Variants in ANO4 observed in about 807,000 individuals in gnomAD.
ANO4 encodes the protein anoctamin 4, also known as anoctamin-4.
ANO4 carries 69 observed loss-of-function variants against 141.9 expected under a neutral mutation model. The observed-to-expected ratio is 0.49, with a 90% CI of 0.40 to 0.59. The LOEUF is 0.59. Ranked by LOEUF, ANO4 falls within the 20% of genes least tolerant of loss-of-function variation. ANO4 has a pLI of 0.00. For synonymous variants in ANO4, 350 were observed against 394.3 expected, an observed-to-expected ratio of 0.89 and a Z score of 1.33; for missense variants, 894 against 1,162.2, an observed-to-expected ratio of 0.77 and a Z score of 3.36.
intron 1 of ANO4, among the ~76,000 whole-genome samples, chr12:100,805,298 C>G (rs1418530272): frequency 1.3e-5 from 2 of 151,998 alleles, no homozygotes; most frequent in East Asian, 3.9e-4. Flanking sequence ...TATTCTGTTC[C>G]ATTGGTCTGT....
intron 22 of ANO4, among the ~76,000 whole-genome samples, chr12:101,106,702 T>C (rs1255776195): frequency 6.6e-6 from 1 of 151,286 alleles, no homozygotes. Context: ...TTTATCTATA[T>C]AGTATTTATT....
chr12:100,724,099 C>T (rs2030994516), intron 1 of ANO4, among the ~76,000 whole-genome samples: 1 of 152,118 alleles, frequency 6.6e-6, no homozygotes, highest in Non-Finnish European at 1.5e-5. Flanking sequence ...TCTTTACCTC[C>T]TGAAGATAAT....
chr12:101,071,763 A>G (rs564689806), intron 14 of ANO4, among the ~76,000 whole-genome samples: 1 of 152,300 alleles, frequency 6.6e-6, no homozygotes, highest in East Asian at 1.9e-4. Flanking sequence ...CCATGATGTG[A>G]TTATAATGCA....
At chr12:100,757,550 T>C (rs1266003623) in intron 3 of ANO4, among the ~76,000 whole-genome samples, 1 of 152,204 alleles carries the variant, frequency 6.6e-6, no homozygotes, top group Non-Finnish European at 1.5e-5. Context: ...CCGTATACCA[T>C]GAACTTGACT....
At chr12:101,067,987 CA>C (rs1175107978) in intron 14 of ANO4, among the ~76,000 whole-genome samples, 47 of 152,274 alleles carry the variant, frequency 3.1e-4, no homozygotes, top group Middle Eastern at 3.4e-3. Flanking sequence ...TGGTGTTTAG[CA>C]TTTGTTGTAC....
chr12:100,962,173 A>C (rs12423934), intron 5 of ANO4, among the ~76,000 whole-genome samples: 25,327 of 152,132 alleles, frequency 0.17, 2,429 homozygotes, highest in East Asian at 0.42. Flanking sequence ...TAAGAGGATG[A>C]ATTTTTTTCT....
intron 1 of ANO4, among the ~76,000 whole-genome samples, chr12:100,836,516 G>A (rs2135792154): frequency 8.3e-6 from 1 of 120,980 alleles, no homozygotes; most frequent in South Asian, 2.7e-4. Context: ...AACAGGCCCT[G>A]GTATGTGATG....
chr12:100,843,608 G>A (rs766599069), intron 1 of ANO4, among the ~76,000 whole-genome samples: 2 of 152,148 alleles, frequency 1.3e-5, no homozygotes, highest in African/African-American at 4.8e-5. Context: ...TTAGAAGACA[G>A]GTAGACGACG....
chr12:101,110,708 A>G, intron 23 of ANO4, 152 bp downstream of exon 23: 1 of 680,380 alleles, frequency 1.5e-6, no homozygotes, highest in Non-Finnish European at 2.1e-6. Context: ...GTTTTAAATA[A>G]TATTAGACAA....
intron 1 of ANO4, among the ~76,000 whole-genome samples, chr12:100,730,655 A>C (rs903000581): frequency 1.3e-5 from 2 of 152,130 alleles, no homozygotes; most frequent in African/African-American, 2.4e-5. Flanking sequence ...TCCCTGGACA[A>C]GCTCATGGTT....
intron 9 of ANO4, among the ~76,000 whole-genome samples, chr12:101,036,001 A>G (rs2047177625): frequency 6.8e-6 from 1 of 147,292 alleles, no homozygotes. Context: ...AACCTAAAAT[A>G]AAAGTTAGAA....
chr12:100,731,647 T>G (rs2031385166), intron 1 of ANO4, among the ~76,000 whole-genome samples: 1 of 152,200 alleles, frequency 6.6e-6, no homozygotes, highest in Non-Finnish European at 1.5e-5. Flanking sequence ...GTGTTGCTGT[T>G]TATTCCTTCC....
At chr12:100,880,357 T>C (rs143233987) in intron 1 of ANO4, among the ~76,000 whole-genome samples, 59 of 152,270 alleles carry the variant, frequency 3.9e-4, no homozygotes, top group African/African-American at 1.4e-3. Context: ...TTCTAAGCAT[T>C]TCATCTTCTT....
chr12:101,039,964 A>G lies in ANO4; in HGVS notation c.907A>G (p.Arg303Gly). Residue 303 changes from arginine to glycine, a missense_variant, in exon 11 of 28, where the codon AGA becomes GGA. This residue lies in a region of ANO4 where 637 missense variants were observed against 909.2 expected (regional missense o/e 0.70). Transcript: ENST00000392977. ...GGTGTTTTTATCCCAGGGAAGTTAT[A>G]GAAGTAAAAACTCCATTCGAACCCA... is the stretch of plus-strand genomic sequence containing the variant. ...AAFPLHEGSY[R>G]SKNSIRTHGA... is the part of the protein sequence containing the mutation. 6.2e-7 allele frequency: 1 copy of G among 1,612,128 alleles called. No homozygotes were observed. The highest frequency in any genetic ancestry group is 8.5e-7 in the Non-Finnish European group (1 of 1,178,672).
At chr12:100,897,555 A>G (rs1046423911) in intron 1 of ANO4, among the ~76,000 whole-genome samples, 5 of 152,220 alleles carry the variant, frequency 3.3e-5, no homozygotes, top group Non-Finnish European at 7.3e-5. Flanking sequence ...TTGTTCAGAG[A>G]CGAAGAAGGA....
intron 1 of ANO4, among the ~76,000 whole-genome samples, chr12:100,853,655 G>A (rs1481940805): frequency 2.6e-5 from 4 of 151,998 alleles, no homozygotes; most frequent in Non-Finnish European, 4.4e-5. Context: ...AACCTATAAA[G>A]TCTTTCATTT....
chr12:101,048,325 T>G lies in ANO4; in HGVS notation c.1252-16T>G. ...ATATGAGAAATTAACTCAGCACCGA[T>G]TCTTATTATTCACAGGTAACCCACC... On this transcript the variant is annotated splice_polypyrimidine_tract_variant and intron_variant, in intron 13 of 27. Transcript: ENST00000392977. 6.2e-7 allele frequency: 1 copy of G among 1,612,508 alleles called. No homozygotes were observed. Among genetic ancestry groups the G allele is most frequent in the Non-Finnish European group, 8.5e-7 (1 of 1,179,006 alleles).
At chr12:100,804,615 C>T (rs1436488119) in intron 1 of ANO4, among the ~76,000 whole-genome samples, 6 of 152,074 alleles carry the variant, frequency 3.9e-5, no homozygotes, top group East Asian at 1.9e-4. Flanking sequence ...CAGCATCTGT[C>T]GTTTCTTGAC....
intron 3 of ANO4, among the ~76,000 whole-genome samples, chr12:100,936,424 C>A (rs2042290430): frequency 6.6e-6 from 1 of 152,108 alleles, no homozygotes; most frequent in South Asian, 2.1e-4. Flanking sequence ...CAAACAATGT[C>A]AAATATGGTC....
Sources: allele counts gnomAD v4.1 joint callset (sites outside exome capture counted in the v4.1 genomes callset), GRCh38; gene constraint gnomAD v4.1.1; regional missense constraint gnomAD v4.1.1; transcripts MANE v1.5; gene names NCBI Gene and HGNC (gene_info 2026-07-23, HGNC 2026-07-21).